Variants in CTNND2 observed in about 807,000 individuals in gnomAD.
CTNND2 encodes catenin delta 2.
A neutral mutation model predicts 144.4 loss-of-function variants in CTNND2; 22 were observed. That is an observed-to-expected ratio of 0.15 (90% CI 0.11 to 0.22). The LOEUF is 0.22. Among genes scored for constraint, CTNND2 ranks in the 10% least tolerant of loss-of-function variants. CTNND2 has a pLI of 1.00. For synonymous variants in CTNND2, 751 were observed against 695.6 expected (o/e 1.08, Z -1.25); for missense variants, 1,353 against 1,618.8 (o/e 0.84, Z 2.82).
At chr5:11,660,834 A>C (rs1783162080) in intron 2 of CTNND2, among the ~76,000 whole-genome samples, 2 of 152,194 alleles carry the variant, frequency 1.3e-5, no homozygotes, top group African/African-American at 4.8e-5. Flanking sequence ...ATAAAGTAAA[A>C]TAAAGTTAAA....
chr5:11,785,883 AG>A (rs1250051343), intron 1 of CTNND2, among the ~76,000 whole-genome samples: 1 of 152,172 alleles, frequency 6.6e-6, no homozygotes, highest in Non-Finnish European at 1.5e-5. Context: ...CCAGCCATGG[AG>A]GGGAACTGCC....
intron 2 of CTNND2, among the ~76,000 whole-genome samples, chr5:11,614,982 A>G: frequency 6.6e-6 from 1 of 152,288 alleles, no homozygotes; most frequent in African/African-American, 2.4e-5. Context: ...GTTTTGTCTC[A>G]CCATTTAAAC....
intron 1 of CTNND2, among the ~76,000 whole-genome samples, chr5:11,739,585 A>G (rs1241363857): frequency 6.6e-6 from 1 of 152,210 alleles, no homozygotes; most frequent in African/African-American, 2.4e-5. Context: ...CCCACAGCTA[A>G]TATCACACTG....
intron 3 of CTNND2, among the ~76,000 whole-genome samples, chr5:11,429,665 C>T (rs955968210): frequency 1.3e-5 from 2 of 152,164 alleles, no homozygotes; most frequent in South Asian, 2.1e-4. Flanking sequence ...TACAAGCCAT[C>T]GATACATTGC....
chr5:11,397,390 TA>T (rs1245940253), intron 5 of CTNND2, among the ~76,000 whole-genome samples, 187 bp from the exon 6 acceptor site: 10 of 127,900 alleles, frequency 7.8e-5, no homozygotes, highest in African/African-American at 3.0e-4. Flanking sequence ...TTTTATTTTT[TA>T]TTTTTTTTTT....
At chr5:11,309,171 C>T (rs1750554319) in intron 9 of CTNND2, among the ~76,000 whole-genome samples, 1 of 152,176 alleles carries the variant, frequency 6.6e-6, no homozygotes, top group Non-Finnish European at 1.5e-5. Context: ...TGGGGCACTG[C>T]CTAGTGGAGC....
intron 3 of CTNND2, among the ~76,000 whole-genome samples, chr5:11,436,053 G>T (rs1480693168): frequency 6.6e-6 from 1 of 152,000 alleles, no homozygotes; most frequent in East Asian, 1.9e-4. Context: ...GTGCCTCTGA[G>T]TACTACAGGC....
chr5:11,332,896 C>A (rs1356037714), intron 9 of CTNND2, among the ~76,000 whole-genome samples: 1 of 152,118 alleles, frequency 6.6e-6, no homozygotes, highest in Non-Finnish European at 1.5e-5. Flanking sequence ...TAAGGGGAAA[C>A]CCCTTTCGTT....
intron 3 of CTNND2, among the ~76,000 whole-genome samples, chr5:11,433,236 ACT>A (rs1476091648): frequency 7.2e-6 from 1 of 138,786 alleles, no homozygotes; most frequent in African/African-American, 3.4e-5. Flanking sequence ...ACAGAGCAAG[ACT>A]CTGTCTCACA....
intron 6 of CTNND2, chr5:11,385,738 A>G (rs1759020152): frequency 6.6e-6 from 1 of 152,220 alleles, no homozygotes; most frequent in Non-Finnish European, 1.5e-5. Context: ...GAGAACATCA[A>G]GAATAAACAT....
intron 3 of CTNND2, among the ~76,000 whole-genome samples, chr5:11,413,183 A>G (rs1761679138): frequency 1.3e-5 from 2 of 152,210 alleles, no homozygotes; most frequent in Admixed American, 1.3e-4. Flanking sequence ...GGAAATGATA[A>G]TATTTCAAAT....
At chr5:11,581,923 T>C (rs1229997121) in intron 2 of CTNND2, among the ~76,000 whole-genome samples, 2 of 152,250 alleles carry the variant, frequency 1.3e-5, no homozygotes, top group Non-Finnish European at 2.9e-5. Context: ...GTTTTTATTA[T>C]ATTTTTATAT....
rs1466638120 is a variant in CTNND2 at position 11,625,398 on chromosome 5, T to TCTCC, written c.175-60343_175-60342insGGAG. 8.2e-4 allele frequency among the ~76,000 whole-genome samples: 121 copies of TCTCC among 147,092 alleles called. 1 individual carries two copies. In the South Asian group the frequency reaches 0.025, roughly 30 times the overall value. ...TAATGCAAACAGAAAAATCTCTCTC[T>TCTCC]CTCTCTCTCTCTCTCTCTCTCTCTC... On this transcript the variant is annotated intron_variant, in intron 2 of 21. Transcript: ENST00000304623.
chr5:11,606,741 C>A (rs1050394265), intron 2 of CTNND2, among the ~76,000 whole-genome samples: 2 of 152,022 alleles, frequency 1.3e-5, no homozygotes, highest in African/African-American at 4.8e-5. Flanking sequence ...TATATGTGTT[C>A]CCAGGATACC....
intron 2 of CTNND2, among the ~76,000 whole-genome samples, chr5:11,712,410 C>T (rs1208055155): frequency 6.6e-6 from 1 of 152,122 alleles, no homozygotes; most frequent in East Asian, 1.9e-4. Context: ...TGAAGTTTCA[C>T]AGTCCTTGCA....
intron 3 of CTNND2, among the ~76,000 whole-genome samples, chr5:11,459,137 C>T (rs1765982433): frequency 6.6e-6 from 1 of 152,136 alleles, no homozygotes; most frequent in African/African-American, 2.4e-5. Context: ...ACAGAAAGTG[C>T]TTAGCAGAGT....
At chr5:11,071,301 G>A (rs1338504029) in intron 16 of CTNND2, among the ~76,000 whole-genome samples, 1 of 152,192 alleles carries the variant, frequency 6.6e-6, no homozygotes, top group Non-Finnish European at 1.5e-5. Context: ...ACTCTGGGAG[G>A]TTGAGGCGGG....
chr5:11,074,758 C>T (rs1748736450), intron 16 of CTNND2, among the ~76,000 whole-genome samples: 1 of 152,308 alleles, frequency 6.6e-6, no homozygotes, highest in African/African-American at 2.4e-5. Context: ...ATTCTATGGG[C>T]ATCACCGTTT....
At chr5:11,769,349 T>C (rs1470212507) in intron 1 of CTNND2, among the ~76,000 whole-genome samples, 2 of 152,176 alleles carry the variant, frequency 1.3e-5, no homozygotes, top group Non-Finnish European at 2.9e-5. Context: ...CACACTTGAA[T>C]TTATAATTAA....
Sources: allele counts gnomAD v4.1 joint callset (sites outside exome capture counted in the v4.1 genomes callset), GRCh38; gene constraint gnomAD v4.1.1; transcripts MANE v1.5; gene names NCBI Gene and HGNC (gene_info 2026-07-23, HGNC 2026-07-21).